Variants in ZNF609 observed in about 807,000 individuals in gnomAD.
The protein encoded by ZNF609 is zinc finger protein 609.
ZNF609 carries 11 observed loss-of-function variants against 109.5 expected under a neutral mutation model. The observed-to-expected ratio is 0.10, with a 90% confidence interval of 0.06 to 0.17. ZNF609 has a LOEUF of 0.17. ZNF609 is among the 10% of genes least tolerant of loss of function. The probability of loss-of-function intolerance (pLI) is 1.00; values close to 1 mark genes in which losing one functional copy is unlikely to be tolerated. For missense variants in ZNF609, 1,559 were observed against 1,772.4 expected, an observed-to-expected ratio of 0.88 and a Z score of 2.16; for synonymous variants, 646 against 662.0, an observed-to-expected ratio of 0.98 and a Z score of 0.37.
chr15:64,520,594 T>C (rs1893877968), intron 2 of ZNF609, among the ~76,000 whole-genome samples: 1 of 152,216 alleles, frequency 6.6e-6, no homozygotes, highest in Admixed American at 6.5e-5. Flanking sequence ...TTTTTGTTTT[T>C]TTATTCTCGT....
intron 2 of ZNF609, among the ~76,000 whole-genome samples, chr15:64,603,727 G>A (rs926128597): frequency 1.3e-4 from 19 of 151,844 alleles, no homozygotes; most frequent in South Asian, 2.1e-4. Flanking sequence ...GAGGCGGAGC[G>A]TGGTGGCTCA....
chr15:64,554,843 T>G (rs1166822834), intron 2 of ZNF609, among the ~76,000 whole-genome samples: 1 of 152,002 alleles, frequency 6.6e-6, no homozygotes, highest in African/African-American at 2.4e-5. Flanking sequence ...ACACCTGTAA[T>G]CCCAGCACTT....
intron 2 of ZNF609, among the ~76,000 whole-genome samples, chr15:64,519,847 G>A (rs1893865894): frequency 6.6e-6 from 1 of 152,002 alleles, no homozygotes; most frequent in Non-Finnish European, 1.5e-5. Context: ...ATATATATAG[G>A]ATCTTCTGCA....
At position 64,484,650 on chromosome 15, in the gene ZNF609, T is replaced by G. The variant is rs1426964668; in HGVS notation, c.-127-14643T>G. On this transcript the variant is annotated intron_variant, in intron 1 of 9. Transcript: ENST00000326648. ...AAGATTGCGCCATTGCACTCCAGCC[T>G]GGGCAACAGGGTGAGACTCTGTCTC... is the stretch of plus-strand genomic sequence containing the variant. Among the ~76,000 whole-genome samples the G allele has an allele frequency of 1.1e-4, 12 of 109,546 alleles. No individual in the cohort carries two copies. In the Admixed American group the frequency reaches 1.6e-3, roughly 14 times the overall value. The allele number at this position is 109,546 out of a possible 152,430, so 71.9% of individuals were successfully genotyped here. A position where few individuals can be genotyped will look rare whatever the true frequency, so the allele number is the denominator to read the frequency against.
At chr15:64,630,470 C>T (rs756053485) in intron 3 of ZNF609, among the ~76,000 whole-genome samples, 43 of 152,092 alleles carry the variant, frequency 2.8e-4, no homozygotes, top group Non-Finnish European at 4.9e-4. Context: ...CTAGGAATTA[C>T]AGTATATATA....
Position 64,529,399 on chromosome 15 carries a change from C to T in ZNF609, c.747+29233C>T, listed in dbSNP as rs183935735. ...GTGAACTCTACGACGTACTCAGCGC[C>T]AGCATCACCCCATTTGATTTTGGAG... On this transcript the variant is annotated intron_variant, in intron 2 of 9. Coordinates refer to ENST00000326648, the MANE Select transcript of ZNF609 (RefSeq NM_015042.2). The T allele has an allele frequency of 7.0e-5, 53 of 754,202 alleles. No individual in the cohort carries two copies. The African/African-American group carries it at 8.5e-4, about 12-fold the overall frequency. 46.7% of individuals were successfully genotyped at this position (754,202 alleles called of 1,614,324 possible).
chr15:64,529,612 A>G, intron 2 of ZNF609: 18 of 1,195,770 alleles, frequency 1.5e-5, no homozygotes, highest in Admixed American at 3.4e-5. Context: ...AAAAGCAGTC[A>G]TGGTGCACCA....
At chr15:64,625,932 TATATAGAGAGAG>T (rs1277307581) in intron 3 of ZNF609, among the ~76,000 whole-genome samples, 3,017 of 74,520 alleles carry the variant, frequency 0.04, 61 homozygotes, top group Non-Finnish European at 0.057. Context: ...TATATATATA[TATATAGAGAGAG>T]AGAGAGAGAG....
Position 64,669,976 on chromosome 15 carries a change from A to T in ZNF609, c.974-370A>T, listed in dbSNP as rs187239128. Reference sequence around the variant, plus strand: ...AGCCACCACTCCCGGCCAAAAAAAAATTTTTTTAATTATCCAGGTGTGGTG... The same window carrying T: ...AGCCACCACTCCCGGCCAAAAAAAATTTTTTTTAATTATCCAGGTGTGGTG... On this transcript the variant is annotated intron_variant, in intron 3 of 9. Transcript: ENST00000326648. 5.0e-3 allele frequency among the ~76,000 whole-genome samples: 756 copies of T among 152,206 alleles called. 6 individuals carry two copies. Among genetic ancestry groups the T allele is most frequent in the African/African-American group, 0.016 (648 of 41,524 alleles).
chr15:64,546,789 CTTTT>C (rs1206513622), intron 2 of ZNF609, among the ~76,000 whole-genome samples: 3 of 122,548 alleles, frequency 2.4e-5, no homozygotes, highest in Admixed American at 8.1e-5. Context: ...TTTCATGTTT[CTTTT>C]TTTTTTTTTT....
chr15:64,609,073 T>TTTCTTTA (rs1895663888), intron 2 of ZNF609, among the ~76,000 whole-genome samples: 1 of 32,296 alleles, frequency 3.1e-5, no homozygotes, highest in African/African-American at 7.7e-5. Flanking sequence ...TTTTTCTTTC[T>TTTCTTTA]TTCTTTCTTT....
At chr15:64,534,688 T>C (rs117487417) in intron 2 of ZNF609, among the ~76,000 whole-genome samples, 12 of 152,162 alleles carry the variant, frequency 7.9e-5, no homozygotes, top group Non-Finnish European at 1.6e-4. Flanking sequence ...CCATCCCTAA[T>C]CTCTTGTAAC....
chr15:64,505,401 G>A (rs1010444901), intron 2 of ZNF609, among the ~76,000 whole-genome samples: 2 of 152,156 alleles, frequency 1.3e-5, no homozygotes, highest in Admixed American at 6.5e-5. Context: ...ATGTATTGTG[G>A]ATATTACTAA....
At chr15:64,504,649 T>G (rs2140353750) in intron 2 of ZNF609, among the ~76,000 whole-genome samples, 1 of 151,784 alleles carries the variant, frequency 6.6e-6, no homozygotes, top group Non-Finnish European at 1.5e-5. Context: ...TTTTTTTTTT[T>G]TTTTTAATTT....
chr15:64,483,645 C>G (rs750027155), intron 1 of ZNF609, among the ~76,000 whole-genome samples: 40 of 152,318 alleles, frequency 2.6e-4, no homozygotes, highest in Non-Finnish European at 4.1e-4. Context: ...CTTGGCCTCC[C>G]AAAGTGCTGA....
intron 1 of ZNF609, among the ~76,000 whole-genome samples, chr15:64,463,127 G>A (rs1021041445): frequency 6.6e-6 from 1 of 152,208 alleles, no homozygotes; most frequent in African/African-American, 2.4e-5. Flanking sequence ...GGGCATAGTG[G>A]CACATGCCAG....
At chr15:64,621,579 C>G (rs1319163113) in intron 2 of ZNF609, among the ~76,000 whole-genome samples, 3 of 152,034 alleles carry the variant, frequency 2.0e-5, no homozygotes, top group Non-Finnish European at 4.4e-5. Context: ...TAGTCTTGAA[C>G]TCTTGGCTAC....
rs568224046 is a variant in ZNF609, at chr15:64,479,876, A to G, written c.-128+19038A>G. Among the ~76,000 whole-genome samples, 14 of 151,670 alleles carry G rather than the reference A, an allele frequency of 9.2e-5. No individual in the cohort carries two copies. In the South Asian group the frequency reaches 2.9e-3, roughly 32 times the overall value. Reference sequence around the variant, plus strand: ...AGAGGTTGTAGTGAGCCAAGATTGCACCACTGTACTCCAGCCTGGGCGACA... The same window carrying G: ...AGAGGTTGTAGTGAGCCAAGATTGCGCCACTGTACTCCAGCCTGGGCGACA... On this transcript the variant is annotated intron_variant, in intron 1 of 9. Coordinates refer to ENST00000326648, the MANE Select transcript of ZNF609 (RefSeq NM_015042.2).
chr15:64,544,433 G>T (rs1297563520), intron 2 of ZNF609, among the ~76,000 whole-genome samples: 2 of 152,176 alleles, frequency 1.3e-5, no homozygotes, highest in Non-Finnish European at 2.9e-5. Flanking sequence ...GGACTTCAGG[G>T]CTGTAATATA....
Sources: gnomAD v4.1 joint callset for allele counts (sites outside exome capture counted in the v4.1 genomes callset) on GRCh38, gnomAD v4.1.1 for gene constraint, MANE v1.5 for transcripts, NCBI Gene and HGNC (gene_info 2026-07-23, HGNC 2026-07-21) for gene names.